Variants in GRIP1 observed in about 807,000 individuals in gnomAD.
GRIP1 encodes glutamate receptor-interacting protein 1.
Under a neutral mutation model 129.9 loss-of-function variants are expected in GRIP1, and 45 were observed. The observed-to-expected ratio is 0.35, with a 90% CI of 0.27 to 0.44. The LOEUF (loss-of-function observed/expected upper bound fraction) is 0.44. GRIP1 is among the 20% of genes least tolerant of loss of function. The probability of loss-of-function intolerance (pLI) is 1.00; values close to 1 mark genes in which losing one functional copy is unlikely to be tolerated. For synonymous variants in GRIP1, 530 were observed against 520.8 expected (o/e 1.02, Z -0.24); for missense variants, 1,196 against 1,396.8 (o/e 0.86, Z 2.29).
intron 2 of GRIP1, among the ~76,000 whole-genome samples, chr12:66,573,709 A>C (rs11176275): frequency 0.25 from 37,336 of 151,970 alleles, 4,718 homozygotes; most frequent in Admixed American, 0.28. Flanking sequence ...CTAAAGCTTG[A>C]CCCCACAGCA....
At chr12:66,525,869 C>T (rs2061215394) in intron 5 of GRIP1, among the ~76,000 whole-genome samples, 2 of 151,854 alleles carry the variant, frequency 1.3e-5, no homozygotes, top group Non-Finnish European at 2.9e-5. Flanking sequence ...AAATCACAAG[C>T]ATTCTTATAC....
intron 1 of GRIP1, among the ~76,000 whole-genome samples, chr12:67,020,286 T>C (rs945966188): frequency 1.3e-5 from 2 of 152,224 alleles, no homozygotes; most frequent in Non-Finnish European, 2.9e-5. Flanking sequence ...GGCATTTGCA[T>C]CATTTTTTAA....
chr12:66,955,662 C>T (rs1462541083), intron 1 of GRIP1, among the ~76,000 whole-genome samples: 1 of 151,864 alleles, frequency 6.6e-6, no homozygotes, highest in African/African-American at 2.4e-5. Flanking sequence ...CGTGCATCAC[C>T]ATGCCCGGAT....
chr12:66,738,430 C>T (rs547072046), intron 1 of GRIP1, among the ~76,000 whole-genome samples: 2 of 151,820 alleles, frequency 1.3e-5, no homozygotes, highest in Non-Finnish European at 2.9e-5. Context: ...ACCATGTTAG[C>T]CAAGATGGTC....
intron 1 of GRIP1, among the ~76,000 whole-genome samples, chr12:66,641,508 C>T (rs2031924240): frequency 6.6e-6 from 1 of 152,212 alleles, no homozygotes; most frequent in Admixed American, 6.5e-5. Flanking sequence ...ACCTGCTTCA[C>T]ATATCCTCTT....
chr12:66,672,989 A>C (rs2034152332), intron 1 of GRIP1, among the ~76,000 whole-genome samples: 1 of 152,144 alleles, frequency 6.6e-6, no homozygotes, highest in African/African-American at 2.4e-5. Flanking sequence ...CTAATTTCTA[A>C]GTCTATTCTA....
chr12:66,845,812 C>T (rs2039803753), intron 1 of GRIP1, among the ~76,000 whole-genome samples: 1 of 152,104 alleles, frequency 6.6e-6, no homozygotes, highest in South Asian at 2.1e-4. Flanking sequence ...CAAGAGGACT[C>T]TATATAATTC....
At chr12:66,411,253 C>T (rs1051401567) in intron 15 of GRIP1, among the ~76,000 whole-genome samples, 3 of 152,158 alleles carry the variant, frequency 2.0e-5, no homozygotes, top group Non-Finnish European at 2.9e-5. Flanking sequence ...GTCAGTGCCC[C>T]TCTGGGACAG....
chr12:66,914,241 G>A (rs1485183227), intron 1 of GRIP1, among the ~76,000 whole-genome samples: 1 of 152,098 alleles, frequency 6.6e-6, no homozygotes, highest in Non-Finnish European at 1.5e-5. Flanking sequence ...AATCAATAAT[G>A]CCAGCCCCAG....
At position 66,949,891 on chromosome 12, in the gene GRIP1, C is replaced by A. The variant is rs533437576; in HGVS notation, c.58+119159G>T. ...CATGTCATTCTCCTGCCTCAGCCCC[C>A]CCGAGTAGCTGGGACTACAGGTGCC... On this transcript the variant is annotated intron_variant, in intron 1 of 1. Coordinates refer to the GRIP1 transcript ENST00000643019. Among the ~76,000 whole-genome samples the A allele has an allele frequency of 5.9e-5, 9 of 151,962 alleles. No individual in the cohort carries two copies. The South Asian group carries it at 1.7e-3, about 28-fold the overall frequency.
At chr12:66,634,185 A>G (rs57509053) in intron 1 of GRIP1, among the ~76,000 whole-genome samples, 21,019 of 152,218 alleles carry the variant, frequency 0.14, 1,607 homozygotes, top group Middle Eastern at 0.19. Flanking sequence ...TACATTTCCA[A>G]TGTGAAATTT....
At chr12:66,646,132 TTTCAG>T (rs1308937531) in intron 1 of GRIP1, among the ~76,000 whole-genome samples, 1 of 152,196 alleles carries the variant, frequency 6.6e-6, no homozygotes, top group Non-Finnish European at 1.5e-5. Flanking sequence ...TACGTTAAGT[TTTCAG>T]TTAAGTAGGA....
chr12:66,994,000 C>T (rs2042431666), intron 1 of GRIP1, among the ~76,000 whole-genome samples: 1 of 151,882 alleles, frequency 6.6e-6, no homozygotes, highest in South Asian at 2.1e-4. Flanking sequence ...ACAACTAAAG[C>T]AATTAAATTA....
At chr12:66,705,815 C>T (rs753229455) in intron 1 of GRIP1, among the ~76,000 whole-genome samples, 8 of 152,146 alleles carry the variant, frequency 5.3e-5, no homozygotes, top group Non-Finnish European at 1.0e-4. Context: ...AAAGGATCTC[C>T]TATTCAGTAA....
chr12:66,474,721 T>C (rs369364539), intron 7 of GRIP1, among the ~76,000 whole-genome samples: 65 of 151,946 alleles, frequency 4.3e-4, no homozygotes, highest in African/African-American at 1.4e-3. Context: ...TCATATCCAG[T>C]CAAACTAAGC....
rs1445270320 is a variant in GRIP1, at chr12:66,548,219, T to C, written c.137-6269A>G. 2.0e-5 allele frequency among the ~76,000 whole-genome samples: 3 copies of C among 152,346 alleles called. No homozygotes were observed. The East Asian group carries it at 5.8e-4, about 29-fold the overall frequency. On this transcript the variant is annotated intron_variant, in intron 2 of 24. Coordinates refer to ENST00000359742, the MANE Select transcript of GRIP1 (RefSeq NM_001366722.1). ...TGTTAGGATAAAATATGAACTGTGT[T>C]GTTTGGACCTAACTACTTAGTAAAT...
chr12:66,654,511 A>G (rs2033014525), intron 1 of GRIP1, among the ~76,000 whole-genome samples: 1 of 152,212 alleles, frequency 6.6e-6, no homozygotes. Context: ...GAGCACTAAG[A>G]AAAGAGGAGT....
chr12:66,367,373 A>C (rs550869003), intron 23 of GRIP1, among the ~76,000 whole-genome samples: 36 of 152,318 alleles, frequency 2.4e-4, no homozygotes, highest in African/African-American at 8.7e-4. Context: ...AGCAAAACCT[A>C]AGGGAGTGAT....
intron 1 of GRIP1, among the ~76,000 whole-genome samples, chr12:66,963,585 CA>C (rs764217892): frequency 2.6e-5 from 4 of 152,192 alleles, no homozygotes; most frequent in Non-Finnish European, 5.9e-5. Flanking sequence ...TAATGACAAA[CA>C]TAACAATAAG....
Sources: gnomAD v4.1 joint callset for allele counts (sites outside exome capture counted in the v4.1 genomes callset) on GRCh38, gnomAD v4.1.1 for gene constraint, MANE v1.5 for transcripts, NCBI Gene and HGNC (gene_info 2026-07-23, HGNC 2026-07-21) for gene names.